RBFOX1: variants seen among roughly 807,000 people sequenced by gnomAD.
The protein encoded by RBFOX1 is RNA binding protein fox-1 homolog 1.
Under a neutral mutation model 57.7 loss-of-function variants are expected in RBFOX1, and 8 were observed. That is an observed-to-expected ratio of 0.14 (90% CI 0.08 to 0.25). The LOEUF is 0.25. Ranked by LOEUF, RBFOX1 falls within the 10% of genes least tolerant of loss-of-function variation. The pLI is 1.00. For missense variants in RBFOX1, 611 were observed against 548.5 expected, an observed-to-expected ratio of 1.11 and a Z score of -1.14; for synonymous variants, 326 against 222.4, an observed-to-expected ratio of 1.47 and a Z score of -4.15.
rs559472552 is a variant in RBFOX1, at chr16:7,381,059, C to T, written c.28-137088C>T. 1.5e-4 allele frequency among the ~76,000 whole-genome samples: 23 copies of T among 152,314 alleles called. No individual in the cohort carries two copies. In the South Asian group the frequency reaches 4.6e-3, roughly 30 times the overall value. On this transcript the variant is annotated intron_variant, in intron 4 of 15. Transcript: ENST00000550418. The stretch of plus-strand genomic sequence containing the variant: ...CTACATGAGTGTTTAATATTTAGGT[C>T]ATAGTTTGTGAATACACTGGAGATG...
At chr16:6,861,421 A>G (rs887115608) in intron 3 of RBFOX1, among the ~76,000 whole-genome samples, 2 of 152,082 alleles carry the variant, frequency 1.3e-5, no homozygotes, top group African/African-American at 2.4e-5. Flanking sequence ...TCTTTGATCA[A>G]TGTAAACTGC....
chr16:6,372,020 G>T (rs2090497252), intron 2 of RBFOX1, among the ~76,000 whole-genome samples: 1 of 152,166 alleles, frequency 6.6e-6, no homozygotes, highest in Non-Finnish European at 1.5e-5. Context: ...TTAATTCATA[G>T]GATTGTTGGG....
chr16:6,493,086 C>A (rs369815088), intron 2 of RBFOX1, among the ~76,000 whole-genome samples: 1 of 152,148 alleles, frequency 6.6e-6, no homozygotes, highest in South Asian at 2.1e-4. Context: ...AGAAAAGCCT[C>A]CATTTTGCAA....
At chr16:6,825,699 T>G (rs1442672639) in intron 3 of RBFOX1, among the ~76,000 whole-genome samples, 1 of 152,054 alleles carries the variant, frequency 6.6e-6, no homozygotes, top group African/African-American at 2.4e-5. Flanking sequence ...AAGAACCTAG[T>G]AGCAGATGAA....
intron 3 of RBFOX1, among the ~76,000 whole-genome samples, chr16:5,816,180 C>T (rs1018018330): frequency 5.3e-5 from 8 of 152,188 alleles, no homozygotes; most frequent in African/African-American, 1.9e-4. Flanking sequence ...GCTCCTCATC[C>T]TTCATCTCTG....
chr16:6,517,937 G>T (rs190423679), intron 2 of RBFOX1, among the ~76,000 whole-genome samples: 1 of 152,298 alleles, frequency 6.6e-6, no homozygotes, highest in African/African-American at 2.4e-5. Context: ...AGTGATGATG[G>T]TGATGGTAAT....
chr16:7,180,099 G>T (rs1187513233), intron 4 of RBFOX1, among the ~76,000 whole-genome samples: 1 of 151,926 alleles, frequency 6.6e-6, no homozygotes, highest in Non-Finnish European at 1.5e-5. Context: ...TTCTTCTTTT[G>T]TCCACAGCAG....
At chr16:5,625,275 A>C (rs1401502726) in intron 3 of RBFOX1, among the ~76,000 whole-genome samples, 1 of 152,006 alleles carries the variant, frequency 6.6e-6, no homozygotes, top group African/African-American at 2.4e-5. Context: ...GGGCGTAGGA[A>C]GCATTTGTTG....
chr16:6,910,245 T>G (rs1443192876), intron 3 of RBFOX1, among the ~76,000 whole-genome samples: 1 of 152,150 alleles, frequency 6.6e-6, no homozygotes, highest in Non-Finnish European at 1.5e-5. Context: ...ACTTCACATT[T>G]GCAGTTCAGG....
At chr16:6,434,870 A>G (rs1413207754) in intron 2 of RBFOX1, among the ~76,000 whole-genome samples, 1 of 152,186 alleles carries the variant, frequency 6.6e-6, no homozygotes, top group Non-Finnish European at 1.5e-5. Context: ...CTGAGTTATT[A>G]CTATGTGCTA....
chr16:7,314,453 G>A (rs959679815), intron 4 of RBFOX1, among the ~76,000 whole-genome samples: 2 of 152,174 alleles, frequency 1.3e-5, no homozygotes, highest in Admixed American at 1.3e-4. Context: ...GATGGTGTGC[G>A]CCTGTGTGCG....
At chr16:6,661,251 C>G (rs771362728) in intron 3 of RBFOX1, among the ~76,000 whole-genome samples, 2 of 152,176 alleles carry the variant, frequency 1.3e-5, no homozygotes, top group Non-Finnish European at 2.9e-5. Flanking sequence ...TGAAAGCTAA[C>G]TCTCAGTGGG....
intron 1 of RBFOX1, chr16:5,240,253 C>T (rs947110666): frequency 1.3e-5 from 9 of 700,420 alleles, no homozygotes; most frequent in African/African-American, 3.5e-5. Context: ...AGTGACAGCT[C>T]GTGACGGCCT....
At chr16:7,429,046 G>T (rs1420369227) in intron 4 of RBFOX1, among the ~76,000 whole-genome samples, 2 of 152,162 alleles carry the variant, frequency 1.3e-5, no homozygotes, top group Non-Finnish European at 2.9e-5. Flanking sequence ...CTGGTGGAAA[G>T]GTGACCTGTC....
At chr16:6,254,473 A>G (rs1430497123) in intron 1 of RBFOX1, among the ~76,000 whole-genome samples, 1 of 152,200 alleles carries the variant, frequency 6.6e-6, no homozygotes, top group Non-Finnish European at 1.5e-5. Flanking sequence ...CAGAGTGCTT[A>G]AGGATATGGG....
intron 3 of RBFOX1, among the ~76,000 whole-genome samples, chr16:6,915,096 G>A (rs2072779859): frequency 6.6e-6 from 1 of 152,214 alleles, no homozygotes; most frequent in Non-Finnish European, 1.5e-5. Context: ...TGCACACTGA[G>A]AACTGGCCTG....
At chr16:7,130,234 A>C (rs1292941361) in intron 4 of RBFOX1, among the ~76,000 whole-genome samples, 2 of 151,960 alleles carry the variant, frequency 1.3e-5, no homozygotes, top group African/African-American at 2.4e-5. Flanking sequence ...GAGTTTCGCC[A>C]TATTTGGCCA....
chr16:5,267,300 T>G (rs1208405748), intron 1 of RBFOX1, among the ~76,000 whole-genome samples: 1 of 71,924 alleles, frequency 1.4e-5, no homozygotes, highest in African/African-American at 8.8e-5. Flanking sequence ...CATAAGGGTT[T>G]TTTTTTCTTT....
intron 3 of RBFOX1, among the ~76,000 whole-genome samples, chr16:6,854,352 G>A (rs961948919): frequency 2.0e-5 from 3 of 151,972 alleles, no homozygotes; most frequent in African/African-American, 7.3e-5. Context: ...CCTATGAAGA[G>A]GAAAGGGCTT....
Sources: gnomAD v4.1 joint callset for allele counts (sites outside exome capture counted in the v4.1 genomes callset) on GRCh38, gnomAD v4.1.1 for gene constraint, MANE v1.5 for transcripts, NCBI Gene and HGNC (gene_info 2026-07-23, HGNC 2026-07-21) for gene names.